Variants in NUP98 observed in about 807,000 individuals in gnomAD.
NUP98 encodes nucleoporin 98 and 96 precursor.
Under a neutral mutation model 191.9 loss-of-function variants are expected in NUP98, and 26 were observed. The observed-to-expected ratio is 0.14, with a 90% CI of 0.10 to 0.19. The LOEUF (loss-of-function observed/expected upper bound fraction) is 0.19, where lower values mean the gene tolerates loss of function less well. Among genes scored for constraint, NUP98 ranks in the 10% least tolerant of loss-of-function variants. The pLI is 1.00. For synonymous variants in NUP98, 808 were observed against 778.4 expected (o/e 1.04, Z -0.63); for missense variants, 1,941 against 2,178.8 (o/e 0.89, Z 2.17).
Position 3,735,288 on chromosome 11 carries a change from G to A in NUP98, c.1445C>T (p.Ala482Val). 6.4e-7 allele frequency: 1 copy of A among 1,568,752 alleles called. No homozygotes were observed. The change falls in exon 13 of 33, where the codon GCT becomes GTT. Residue 482 changes from alanine to valine, a missense_variant. Physicochemically the swap from Ala to Val is moderately conservative, Grantham distance 64. Coordinates refer to ENST00000324932, the MANE Select transcript of NUP98 (RefSeq NM_016320.5). Reference sequence around the variant, plus strand: ...ACTATTGATGTGCTGCTGGAGAACAGCCTGCTGGGCAGCAGAAGCATTTGG... The same window carrying A: ...ACTATTGATGTGCTGCTGGAGAACAACCTGCTGGGCAGCAGAAGCATTTGG... Reference protein sequence around the residue: ...TDPNASAAQQAVLQQHINSLT... With the variant: ...TDPNASAAQQVVLQQHINSLT...
At chr11:3,792,346 AT>A (rs2082384552) in intron 1 of NUP98, among the ~76,000 whole-genome samples, 1 of 152,236 alleles carries the variant, frequency 6.6e-6, no homozygotes, top group African/African-American at 2.4e-5. Context: ...TATGGGGCTC[AT>A]GCCTGTAATG....
rs185280385 is a variant in NUP98 at position 3,706,029 on chromosome 11, G to A, written c.2925+416C>T. On this transcript the variant is annotated intron_variant, in intron 21 of 32. Coordinates refer to ENST00000324932, the MANE Select transcript of NUP98 (RefSeq NM_016320.5). Reference sequence around the variant, plus strand: ...AAAAAAAAAAAAAGTAGCCAGGTGTGGTGGTGGTACACGCCTGTAATCTCA... The same window carrying A: ...AAAAAAAAAAAAAGTAGCCAGGTGTAGTGGTGGTACACGCCTGTAATCTCA... Among the ~76,000 whole-genome samples, 579 of 151,378 alleles carry A rather than the reference G, an allele frequency of 3.8e-3. 2 individuals carry two copies. Among genetic ancestry groups the A allele is most frequent in the African/African-American group, 0.013 (546 of 41,262 alleles).
chr11:3,720,907 A>G (rs2079368539), intron 16 of NUP98, 82 bp from the exon 17 acceptor site: 3 of 652,426 alleles, frequency 4.6e-6, no homozygotes, highest in South Asian at 3.7e-5. Context: ...AAGAGAAAAT[A>G]TATCAGAATG....
rs185820560 is a variant in NUP98, at chr11:3,687,674, C to A, written c.4455-1480G>T. The stretch of plus-strand genomic sequence containing the variant: ...GGACGCAATTATTGAACACAAATGA[C>A]CAGTATCAAAAAGAAAGAGACGTTG... On this transcript the variant is annotated intron_variant, in intron 28 of 32. Coordinates refer to ENST00000324932, the MANE Select transcript of NUP98 (RefSeq NM_016320.5). Among the ~76,000 whole-genome samples, 731 of 152,236 alleles carry A rather than the reference C, an allele frequency of 4.8e-3. 12 individuals carry two copies. Among genetic ancestry groups the A allele is most frequent in the African/African-American group, 0.017 (697 of 41,538 alleles).
At chr11:3,730,911 C>T (rs1293380792) in intron 14 of NUP98, among the ~76,000 whole-genome samples, 1 of 152,168 alleles carries the variant, frequency 6.6e-6, no homozygotes, top group African/African-American at 2.4e-5. Flanking sequence ...TATGAGTTAT[C>T]CCTGGGAGTG....
intron 18 of NUP98, among the ~76,000 whole-genome samples, chr11:3,718,458 C>T (rs2079265195): frequency 6.6e-6 from 1 of 151,892 alleles, no homozygotes. Flanking sequence ...ATCGCTTGAA[C>T]CCAGGGGGCA....
chr11:3,714,288 T>C (rs546443284), intron 18 of NUP98, among the ~76,000 whole-genome samples: 4 of 152,204 alleles, frequency 2.6e-5, no homozygotes, highest in Non-Finnish European at 4.4e-5. Flanking sequence ...CACTAACTTA[T>C]TTAAGTTACA....
chr11:3,764,343 T>C (rs2081269393), intron 8 of NUP98, among the ~76,000 whole-genome samples: 1 of 152,246 alleles, frequency 6.6e-6, no homozygotes, highest in Non-Finnish European at 1.5e-5. Context: ...GGTTACCCAT[T>C]CATTGTTAAT....
At chr11:3,703,365 G>A (rs1589991301) in intron 22 of NUP98, among the ~76,000 whole-genome samples, 1 of 151,770 alleles carries the variant, frequency 6.6e-6, no homozygotes. Context: ...ACAGGTGCCC[G>A]CCACCATGCC....
At chr11:3,751,481 C>A (rs140963797) in intron 11 of NUP98, among the ~76,000 whole-genome samples, 5 of 152,178 alleles carry the variant, frequency 3.3e-5, no homozygotes, top group Non-Finnish European at 5.9e-5. Flanking sequence ...ACATGCCAAA[C>A]AACCCTAATC....
Position 3,785,331 on chromosome 11 carries a change from A to G in NUP98, c.-28-3186T>C, listed in dbSNP as rs117959232. Among the ~76,000 whole-genome samples the G allele has an allele frequency of 2.6e-5, 4 of 152,214 alleles. No individual in the cohort carries two copies. In the East Asian group the frequency reaches 7.7e-4, roughly 29 times the overall value. On this transcript the variant is annotated intron_variant, in intron 1 of 32. Coordinates refer to ENST00000324932, the MANE Select transcript of NUP98 (RefSeq NM_016320.5). ...TCCCTCTATCTATCTCTCTTCTGTGAGAGCATGCACTCTCCAAAGTGCCAC... is the reference window on the plus strand; with the variant it reads ...TCCCTCTATCTATCTCTCTTCTGTGGGAGCATGCACTCTCCAAAGTGCCAC...
At chr11:3,769,794 C>T (rs896099794) in intron 7 of NUP98, among the ~76,000 whole-genome samples, 1 of 151,838 alleles carries the variant, frequency 6.6e-6, no homozygotes, top group African/African-American at 2.4e-5. Flanking sequence ...CCTGTAATCC[C>T]AGCACTTTGA....
chr11:3,727,492 A>G (rs1345120968), intron 14 of NUP98, among the ~76,000 whole-genome samples: 2 of 152,154 alleles, frequency 1.3e-5, no homozygotes, highest in Non-Finnish European at 2.9e-5. Flanking sequence ...CTGCCCAAAT[A>G]TGAGACAATT....
intron 22 of NUP98, among the ~76,000 whole-genome samples, chr11:3,704,647 C>G (rs2078804553): frequency 6.6e-6 from 1 of 152,200 alleles, no homozygotes; most frequent in African/African-American, 2.4e-5. Context: ...AAACAAAGCA[C>G]AAATGCTTTT....
rs2081004109 is a variant in NUP98, at chr11:3,757,358, A to C, written c.1174+3181T>G. On this transcript the variant is annotated intron_variant, in intron 10 of 32. Coordinates refer to ENST00000324932, the MANE Select transcript of NUP98 (RefSeq NM_016320.5). ...AAAAATTAGCCAGGTGTGGTGGTGCATGCCTGTAGTCCCAGCTACTCAGGA... is the reference window on the plus strand; with the variant it reads ...AAAAATTAGCCAGGTGTGGTGGTGCCTGCCTGTAGTCCCAGCTACTCAGGA... Among the ~76,000 whole-genome samples the C allele has an allele frequency of 2.0e-5, 3 of 151,622 alleles. No individual in the cohort carries two copies. In the South Asian group the frequency reaches 6.2e-4, roughly 31 times the overall value.
chr11:3,734,997 T>A (rs2079991168), intron 13 of NUP98, among the ~76,000 whole-genome samples, 194 bp downstream of exon 13: 1 of 152,208 alleles, frequency 6.6e-6, no homozygotes, highest in Non-Finnish European at 1.5e-5. Context: ...AGTGTAGTGG[T>A]CATTTCACTG....
At chr11:3,763,986 A>G (rs2081259408) in intron 8 of NUP98, among the ~76,000 whole-genome samples, 1 of 152,222 alleles carries the variant, frequency 6.6e-6, no homozygotes, top group Admixed American at 6.5e-5. Context: ...CACTTTTTAA[A>G]GTTTTATTGA....
chr11:3,759,977 G>A (rs970709275), intron 10 of NUP98, among the ~76,000 whole-genome samples: 28 of 151,818 alleles, frequency 1.8e-4, no homozygotes, highest in Non-Finnish European at 3.7e-4. Context: ...CATAATGGCT[G>A]GGACTACAGG....
intron 9 of NUP98, among the ~76,000 whole-genome samples, chr11:3,762,561 G>A (rs2081210058): frequency 1.3e-5 from 2 of 151,954 alleles, no homozygotes; most frequent in Admixed American, 6.6e-5. Flanking sequence ...TACAAAAGAG[G>A]GAAGAACTAG....
Sources: gnomAD v4.1 joint callset for allele counts (sites outside exome capture counted in the v4.1 genomes callset) on GRCh38, gnomAD v4.1.1 for gene constraint, MANE v1.5 for transcripts, NCBI Gene and HGNC (gene_info 2026-07-23, HGNC 2026-07-21) for gene names.